The following RAD23B variants were observed in gnomAD, a reference collection of about 807,000 sequenced individuals.
RAD23B encodes the protein lysine-specific demethylase RAD23B.
Under a neutral mutation model 49.1 loss-of-function variants are expected in RAD23B, and 5 were observed. That is an observed-to-expected ratio of 0.10 (90% CI 0.05 to 0.21). The LOEUF is 0.21. Among genes scored for constraint, RAD23B ranks in the 10% least tolerant of loss-of-function variants. The pLI is 1.00. For synonymous variants in RAD23B, 184 were observed against 165.4 expected, an observed-to-expected ratio of 1.11 and a Z score of -0.86; for missense variants, 356 against 486.7, an observed-to-expected ratio of 0.73 and a Z score of 2.53.
chr9:107,313,886 T>C (rs1349221152), intron 5 of RAD23B, among the ~76,000 whole-genome samples: 4 of 145,726 alleles, frequency 2.7e-5, no homozygotes, highest in Non-Finnish European at 5.9e-5. Context: ...CTCTCTCCTC[T>C]GTCCTCTCTC....
At chr9:107,325,656 G>A (rs1487437860) in intron 9 of RAD23B, among the ~76,000 whole-genome samples, 1 of 152,042 alleles carries the variant, frequency 6.6e-6, no homozygotes, top group Non-Finnish European at 1.5e-5. Flanking sequence ...TGTTCATTAG[G>A]ATTTTCCATA....
Position 107,318,273 on chromosome 9 carries a change from A to AT in RAD23B, c.554-472dup, listed in dbSNP as rs1827034732. On this transcript the variant is annotated intron_variant, in intron 5 of 9. Coordinates refer to ENST00000358015, the MANE Select transcript of RAD23B (RefSeq NM_002874.5). The surrounding 1 kb of genome is among the most constrained non-coding windows in gnomAD (Gnocchi z 4.3). ...TCCTTTTTGGAGACTCCGGGGAAGA[A>AT]TTTTTTTCCTGATCCTGTCCTACCA... Among the ~76,000 whole-genome samples the AT allele has an allele frequency of 6.6e-6, 1 of 152,028 alleles. No individual in the cohort carries two copies. Among genetic ancestry groups the AT allele is most frequent in the Admixed American group, 6.6e-5 (1 of 15,264 alleles).
intron 4 of RAD23B, among the ~76,000 whole-genome samples, chr9:107,309,040 A>G (rs1826837714): frequency 6.6e-6 from 1 of 152,260 alleles, no homozygotes; most frequent in South Asian, 2.1e-4. Context: ...GCACTTGTGC[A>G]CATGACTGTA....
rs770343998 is a variant in RAD23B at position 107,283,706 on chromosome 9, G to A, written c.66+11G>A. ...GACCCCGAGGAGACGGTATGCGCGC[G>A]GGCCGGGGGCAGGGGCAGCCGCGTG... On this transcript the variant is annotated intron_variant, in intron 1 of 9. Transcript: ENST00000358015. 4 of 1,457,798 alleles carry A rather than the reference G, an allele frequency of 2.7e-6. No individual in the cohort carries two copies. In the South Asian group the frequency reaches 4.0e-5, roughly 14 times the overall value. The allele number at this position is 1,457,798 out of a possible 1,614,324, so 90.3% of individuals were successfully genotyped here.
At chr9:107,324,087 C>T in intron 8 of RAD23B, 70 bp downstream of exon 8, 4 of 1,472,218 alleles carry the variant, frequency 2.7e-6, no homozygotes, top group Admixed American at 1.7e-5. Context: ...CATGAACGGT[C>T]CTTCCCCTCC....
intron 7 of RAD23B, among the ~76,000 whole-genome samples, chr9:107,323,666 A>G (rs1356108326): frequency 4.6e-5 from 7 of 152,212 alleles, no homozygotes; most frequent in African/African-American, 1.7e-4. Context: ...TATTACAGTC[A>G]GCGTTCTGCA....
rs1390518799 is a variant in RAD23B at position 107,306,065 on chromosome 9, ATATATATCTATATATC to A, written c.229-306_229-291del. 1.1e-3 allele frequency among the ~76,000 whole-genome samples: 146 copies of A among 134,564 alleles called. 2 individuals are homozygous for A. The highest frequency in any genetic ancestry group is 4.5e-3 in the South Asian group (18 of 4,012). 88.3% of individuals were successfully genotyped at this position (134,564 alleles called of 152,430 possible). A position where few individuals can be genotyped will look rare whatever the true frequency, so the allele number is the denominator to read the frequency against. ...ACGGTTTATATCTATATATATATAT[ATATATATCTATATATC>A]TATATATATTTCAAATTTTTTATTT... is the stretch of plus-strand genomic sequence containing the variant. On this transcript the variant is annotated intron_variant, in intron 3 of 9. Coordinates refer to ENST00000358015, the MANE Select transcript of RAD23B (RefSeq NM_002874.5).
intron 5 of RAD23B, among the ~76,000 whole-genome samples, chr9:107,312,258 A>G (rs1485465943): frequency 6.6e-6 from 1 of 152,234 alleles, no homozygotes; most frequent in Non-Finnish European, 1.5e-5. Context: ...TGTCAAAATG[A>G]AGCAGCATTT....
At position 107,324,133 on chromosome 9, in the gene RAD23B, T is replaced by C. The variant is rs372727266; in HGVS notation, c.945+116T>C. 1.4e-5 allele frequency: 17 copies of C among 1,184,386 alleles called. No homozygotes were observed. The African/African-American group carries it at 2.5e-4, about 17-fold the overall frequency. The allele number at this position is 1,184,386 out of a possible 1,614,324, so 73.4% of individuals were successfully genotyped here. A position where few individuals can be genotyped will look rare whatever the true frequency, so the allele number is the denominator to read the frequency against. On this transcript the variant is annotated intron_variant, in intron 8 of 9. Transcript: ENST00000358015. Reference sequence around the variant, plus strand: ...CTCTGTATTTGAGAATGTGAATGTTTTCTTCCAAGCTACACTTAGATATTG... The same window carrying C: ...CTCTGTATTTGAGAATGTGAATGTTCTCTTCCAAGCTACACTTAGATATTG...
rs1277524532 is a variant in RAD23B, at chr9:107,332,127, A to T, written c.*2471A>T. On this transcript the variant is annotated 3_prime_UTR_variant, in exon 10 of 10. Coordinates refer to ENST00000358015, the MANE Select transcript of RAD23B (RefSeq NM_002874.5). ...TAAAAATACGGAAGTGTTCCAATAT[A>T]ATTTTTTCCTGTACTGGATGGCTAG... 3 of 192,790 alleles carry T rather than the reference A, an allele frequency of 1.6e-5. No homozygotes were observed. 11.9% of individuals were successfully genotyped at this position (192,790 alleles called of 1,614,324 possible).
chr9:107,301,660 C>A (rs1337320786), intron 2 of RAD23B, among the ~76,000 whole-genome samples: 1 of 152,128 alleles, frequency 6.6e-6, no homozygotes, highest in Non-Finnish European at 1.5e-5. Context: ...GCCTCAGCCT[C>A]CCAAGTAGCT....
At chr9:107,329,146 C>T (rs1164269483) in intron 9 of RAD23B, among the ~76,000 whole-genome samples, 1 of 152,296 alleles carries the variant, frequency 6.6e-6, no homozygotes, top group Non-Finnish European at 1.5e-5. Flanking sequence ...TGCAGGTACT[C>T]TCATCCTTAT....
intron 1 of RAD23B, among the ~76,000 whole-genome samples, chr9:107,286,008 AGTT>A (rs1036972081): frequency 1.1e-4 from 17 of 152,330 alleles, no homozygotes; most frequent in African/African-American, 3.6e-4. Flanking sequence ...CCTGTTTCTA[AGTT>A]GTTGTGAGAA....
intron 3 of RAD23B, 69 bp from the exon 4 acceptor site, chr9:107,306,310 A>T (rs1826771929): frequency 6.8e-7 from 1 of 1,472,074 alleles, no homozygotes; most frequent in East Asian, 2.3e-5. Flanking sequence ...CTGTAACGGT[A>T]CAGTCTAATT....
intron 5 of RAD23B, among the ~76,000 whole-genome samples, chr9:107,313,438 G>T (rs907904462): frequency 3.3e-5 from 5 of 152,144 alleles, no homozygotes; most frequent in Admixed American, 6.5e-5. Context: ...TGCTAGCCAG[G>T]ATGGTCTCAA....
intron 4 of RAD23B, among the ~76,000 whole-genome samples, chr9:107,308,642 A>G (rs2133082153): frequency 6.6e-6 from 1 of 152,370 alleles, no homozygotes; most frequent in African/African-American, 2.4e-5. Context: ...CTTGATGGTC[A>G]GTGATCCAGG....
At chr9:107,286,797 G>C (rs1384933344) in intron 1 of RAD23B, among the ~76,000 whole-genome samples, 1 of 152,176 alleles carries the variant, frequency 6.6e-6, no homozygotes. Flanking sequence ...TTTAGGCTGG[G>C]TGTGGTGGCT....
At chr9:107,290,111 T>C (rs1304123556) in intron 1 of RAD23B, among the ~76,000 whole-genome samples, 1 of 152,224 alleles carries the variant, frequency 6.6e-6, no homozygotes, top group African/African-American at 2.4e-5. Flanking sequence ...CTAGCCTGCT[T>C]ATTTTCACTT....
intron 1 of RAD23B, among the ~76,000 whole-genome samples, chr9:107,289,447 A>C (rs1833341411): frequency 6.6e-6 from 1 of 152,074 alleles, no homozygotes; most frequent in South Asian, 2.1e-4. Context: ...CAGCCTCCTA[A>C]AGTGCTGGGA....
Sources: gnomAD v4.1 joint callset for allele counts (sites outside exome capture counted in the v4.1 genomes callset) on GRCh38, gnomAD v4.1.1 for gene constraint, Gnocchi (gnomAD v3.1) non-coding constraint, MANE v1.5 for transcripts, NCBI Gene and HGNC (gene_info 2026-07-23, HGNC 2026-07-21) for gene names.